Variants in CNTNAP2 observed in about 807,000 individuals in gnomAD.
CNTNAP2 encodes the protein contactin-associated protein-like 2.
Under a neutral mutation model 155.2 loss-of-function variants are expected in CNTNAP2, and 98 were observed. The ratio of observed to expected loss-of-function variants is 0.63; its 90% CI spans 0.54 to 0.75. The LOEUF is 0.75. Among genes scored for constraint, CNTNAP2 ranks in the 30% least tolerant of loss-of-function variants. The pLI, the probability that CNTNAP2 is intolerant of heterozygous loss-of-function variation, is 0.00. For missense variants in CNTNAP2, 1,727 were observed against 1,688.1 expected, an observed-to-expected ratio of 1.02 and a Z score of -0.40; for synonymous variants, 651 against 631.2, an observed-to-expected ratio of 1.03 and a Z score of -0.47.
chr7:148,303,978 ATC>A (rs758410281), intron 21 of CNTNAP2, among the ~76,000 whole-genome samples: 1 of 152,232 alleles, frequency 6.6e-6, no homozygotes, highest in Non-Finnish European at 1.5e-5. Context: ...AGTGAATAAA[ATC>A]TGTTTAGCGA....
At chr7:147,757,159 A>G (rs947637095) in intron 13 of CNTNAP2, among the ~76,000 whole-genome samples, 3 of 152,170 alleles carry the variant, frequency 2.0e-5, no homozygotes, top group African/African-American at 7.2e-5. Context: ...ACTGGCTGCC[A>G]AGGGACTTGT....
chr7:148,395,004 A>G (rs2116687785), intron 22 of CNTNAP2, among the ~76,000 whole-genome samples: 1 of 152,146 alleles, frequency 6.6e-6, no homozygotes, highest in Non-Finnish European at 1.5e-5. Flanking sequence ...TTTTCTAGAA[A>G]TTCGTGCATT....
intron 10 of CNTNAP2, among the ~76,000 whole-genome samples, chr7:147,406,711 G>A (rs570472160): frequency 1.2e-3 from 179 of 152,286 alleles, no homozygotes; most frequent in Non-Finnish European, 1.8e-3. Flanking sequence ...AATGTTACAT[G>A]AGTAAGAAAG....
At chr7:146,641,299 C>T (rs1248745316) in intron 1 of CNTNAP2, among the ~76,000 whole-genome samples, 3 of 152,126 alleles carry the variant, frequency 2.0e-5, no homozygotes, top group Non-Finnish European at 4.4e-5. Context: ...GCACTCCAGC[C>T]TGAGGAACAG....
chr7:146,752,503 A>G (rs1801923328), intron 1 of CNTNAP2, among the ~76,000 whole-genome samples: 1 of 152,110 alleles, frequency 6.6e-6, no homozygotes, highest in African/African-American at 2.4e-5. Flanking sequence ...AGTTTCTTGT[A>G]GATTCTGGAT....
rs1394008479 is a variant in CNTNAP2, at chr7:146,598,325, A to AT, written c.98-175945dup. On this transcript the variant is annotated intron_variant, in intron 1 of 23. Coordinates refer to ENST00000361727, the MANE Select transcript of CNTNAP2 (RefSeq NM_014141.6). The stretch of plus-strand genomic sequence containing the variant: ...CTGTTATTTTTCCTTTCAAATAAGA[A>AT]TAAAAAAAAGGAATCTCGATCTGAC... 7.9e-5 allele frequency among the ~76,000 whole-genome samples: 12 copies of AT among 152,224 alleles called. No individual in the cohort carries two copies. In the South Asian group the frequency reaches 2.3e-3, roughly 29 times the overall value.
At chr7:146,532,412 AG>A (rs1490323341) in intron 1 of CNTNAP2, among the ~76,000 whole-genome samples, 2 of 152,158 alleles carry the variant, frequency 1.3e-5, no homozygotes, top group African/African-American at 2.4e-5. Context: ...ATTTATCCAC[AG>A]ACTAGCTTCA....
intron 3 of CNTNAP2, among the ~76,000 whole-genome samples, chr7:146,976,633 C>T (rs1224667424): frequency 1.3e-5 from 2 of 152,118 alleles, no homozygotes; most frequent in African/African-American, 4.8e-5. Flanking sequence ...TCTTTGGGGA[C>T]ATCACCCTCT....
At chr7:147,494,197 T>C (rs925054153) in intron 11 of CNTNAP2, among the ~76,000 whole-genome samples, 2 of 152,148 alleles carry the variant, frequency 1.3e-5, no homozygotes, top group African/African-American at 4.8e-5. Flanking sequence ...GTGAAAGTAC[T>C]ACCTGGGTAG....
chr7:147,891,448 C>A (rs1799693649), intron 13 of CNTNAP2, among the ~76,000 whole-genome samples: 1 of 152,122 alleles, frequency 6.6e-6, no homozygotes, highest in Non-Finnish European at 1.5e-5. Flanking sequence ...CCTGATTTGC[C>A]CGCCTCAGCC....
intron 18 of CNTNAP2, among the ~76,000 whole-genome samples, chr7:148,181,404 C>T (rs1300466849): frequency 6.6e-6 from 1 of 151,938 alleles, no homozygotes; most frequent in East Asian, 1.9e-4. Flanking sequence ...GGATGAAAAT[C>T]CATAAGTGGA....
intron 8 of CNTNAP2, among the ~76,000 whole-genome samples, chr7:147,154,636 C>T (rs1801888636): frequency 6.6e-6 from 1 of 152,044 alleles, no homozygotes; most frequent in Admixed American, 6.6e-5. Flanking sequence ...GCTGTCATTA[C>T]CACTTCTCAC....
rs542163866 is a variant in CNTNAP2, at chr7:147,002,059, T to C, written c.403-41848T>C. 1.7e-3 allele frequency among the ~76,000 whole-genome samples: 258 copies of C among 151,858 alleles called. 1 individual carries two copies. The highest frequency in any genetic ancestry group is 6.0e-3 in the African/African-American group (247 of 41,490). The stretch of plus-strand genomic sequence containing the variant: ...CATTAAGTAAAACAACATAAGGCAA[T>C]GTAATAGAAATATATAATAGGTAGG... On this transcript the variant is annotated intron_variant, in intron 3 of 23. Transcript: ENST00000361727.
chr7:146,707,455 G>A (rs756165828), intron 1 of CNTNAP2, among the ~76,000 whole-genome samples: 2 of 152,092 alleles, frequency 1.3e-5, no homozygotes, highest in African/African-American at 2.4e-5. Flanking sequence ...AATCAATAAG[G>A]TAACCACTTG....
chr7:147,454,857 G>A (rs1322670455), intron 10 of CNTNAP2, among the ~76,000 whole-genome samples: 2 of 151,928 alleles, frequency 1.3e-5, no homozygotes, highest in Admixed American at 6.6e-5. Flanking sequence ...AGATCCCGAC[G>A]ACCTTTAATA....
chr7:147,821,862 A>G (rs184122360), intron 13 of CNTNAP2, among the ~76,000 whole-genome samples: 1 of 152,184 alleles, frequency 6.6e-6, no homozygotes, highest in Non-Finnish European at 1.5e-5. Flanking sequence ...ACTAAAAGTT[A>G]TTGGAAGTTA....
intron 3 of CNTNAP2, among the ~76,000 whole-genome samples, chr7:147,010,224 GGTCTT>G (rs1260909266): frequency 4.0e-5 from 6 of 151,816 alleles, no homozygotes; most frequent in Non-Finnish European, 8.8e-5. Context: ...TGGCCAGGCT[GGTCTT>G]GAACTCCTGA....
chr7:146,494,361 A>G (rs1205791721), intron 1 of CNTNAP2, among the ~76,000 whole-genome samples: 1 of 151,642 alleles, frequency 6.6e-6, no homozygotes, highest in Non-Finnish European at 1.5e-5. Flanking sequence ...ATAAAAATAA[A>G]TAAATAAATA....
In CNTNAP2 at chr7:147,307,595, C is replaced by CG. The variant is rs1795055216; in HGVS notation, c.1498+7305_1498+7306insG. Among the ~76,000 whole-genome samples, 8 of 151,836 alleles carry CG rather than the reference C, an allele frequency of 5.3e-5. No individual in the cohort carries two copies. The South Asian group carries it at 1.7e-3, about 32-fold the overall frequency. On this transcript the variant is annotated intron_variant, in intron 9 of 23. Coordinates refer to ENST00000361727, the MANE Select transcript of CNTNAP2 (RefSeq NM_014141.6). ...CAAAACTCCATACCCCACCTGCCCC[C>CG]CCAAAAAAGGAAATGCCATCAATTA... is the stretch of plus-strand genomic sequence containing the variant.
Sources: gnomAD v4.1 joint callset for allele counts (sites outside exome capture counted in the v4.1 genomes callset) on GRCh38, gnomAD v4.1.1 for gene constraint, MANE v1.5 for transcripts, NCBI Gene and HGNC (gene_info 2026-07-23, HGNC 2026-07-21) for gene names.